The following SHISA2 variants were observed in gnomAD, a reference collection of about 807,000 sequenced individuals.
SHISA2 encodes shisa family member 2.
A neutral mutation model predicts 23.8 loss-of-function variants in SHISA2; 16 were observed. The ratio of observed to expected loss-of-function variants is 0.67; its 90% CI spans 0.46 to 1.02. The LOEUF is 1.02. Ranked by LOEUF, SHISA2 falls within the 50% of genes least tolerant of loss-of-function variation. The pLI is 0.00. For missense variants in SHISA2, 459 were observed against 420.1 expected (o/e 1.09, Z -0.81); for synonymous variants, 201 against 178.6 (o/e 1.13, Z -1.00).
chr13:26,047,842 G>A (rs1957277623), intron 1 of SHISA2, among the ~76,000 whole-genome samples: 1 of 152,202 alleles, frequency 6.6e-6, no homozygotes, highest in Admixed American at 6.5e-5. Flanking sequence ...GTTCCAGAAA[G>A]AAGAGTCACC....
Position 26,046,887 on chromosome 13 carries a change from T to C in SHISA2, c.514A>G (p.Thr172Ala), listed in dbSNP as rs779160533. 1 of 1,609,320 alleles carries C rather than the reference T, an allele frequency of 6.2e-7. No individual in the cohort carries two copies. Reference protein sequence around the residue: ...ETIPMIPSASTSRGSSSRQSS... With the variant: ...ETIPMIPSASASRGSSSRQSS... ...TGGCGTGAGGACGACCCCCGGGAGGTGCTGGCACTGGGGATCATGGGGATG... is the reference window on the plus strand; with the variant it reads ...TGGCGTGAGGACGACCCCCGGGAGGCGCTGGCACTGGGGATCATGGGGATG... Residue 172 changes from threonine (T) to alanine (A), a missense_variant, in exon 2 of 2, where the codon ACC becomes GCC. Physicochemically the swap from Thr to Ala is moderately conservative, Grantham distance 58. Transcript: ENST00000319420.
chr13:26,046,512 G>A lies in SHISA2; in HGVS notation c.*1C>T. 1 of 1,592,044 alleles carries A rather than the reference G, an allele frequency of 6.3e-7. No homozygotes were observed. On this transcript the variant is annotated 3_prime_UTR_variant, in exon 2 of 2. Transcript: ENST00000319420. ...TAAAGGAACCCACCAGTGACTCTCG[G>A]TTATACAGTCACCGCTGGGTACATC...
chr13:26,048,803 G>A (rs1025696247), intron 1 of SHISA2, among the ~76,000 whole-genome samples: 3 of 152,158 alleles, frequency 2.0e-5, no homozygotes, highest in Admixed American at 1.3e-4. Context: ...TACTTTATAG[G>A]TATTTAACCA....
chr13:26,050,673 C>T lies in SHISA2; in HGVS notation c.303G>A (p.Arg101=), dbSNP rs1275560512. The change falls in exon 1 of 2, where the codon CGG becomes CGA. Residue 101 remains arginine (R), a synonymous_variant. Transcript: ENST00000319420. Reference sequence around the variant, plus strand: ...AGCCGTCGGGGCCGTCTTTGTCCGCCCGGCCAGGCTCGCCAGCGCCCTGCT... The same window carrying T: ...AGCCGTCGGGGCCGTCTTTGTCCGCTCGGCCAGGCTCGCCAGCGCCCTGCT... ...DRQQGAGEPG[R]ADKDGPDGSA... The T allele has an allele frequency of 2.1e-6, 3 of 1,452,444 alleles. No individual in the cohort carries two copies. The highest frequency in any genetic ancestry group is 2.6e-5 in the Admixed American group (1 of 38,316). 90.0% of individuals were successfully genotyped at this position (1,452,444 alleles called of 1,614,324 possible).
Position 26,050,927 on chromosome 13 carries a change from A to T in SHISA2, c.49T>A (p.Ser17Thr). The T allele has an allele frequency of 6.6e-7, 1 of 1,520,436 alleles. No individual in the cohort carries two copies. Among genetic ancestry groups the T allele is most frequent in the Non-Finnish European group, 8.8e-7 (1 of 1,141,404 alleles). 94.2% of individuals were successfully genotyped at this position (1,520,436 alleles called of 1,614,324 possible). A position where few individuals can be genotyped will look rare whatever the true frequency, so the allele number is the denominator to read the frequency against. Residue 17 changes from serine to threonine, a missense_variant, in exon 1 of 2, where the codon TCG becomes ACG. Ser to Thr is a moderately conservative substitution (Grantham distance 58). Coordinates refer to ENST00000319420, the MANE Select transcript of SHISA2 (RefSeq NM_001007538.2). ...SSVSSSWNAA[S>T]LLQLLLAALL... ...GCAGCCAGCAGCAGCTGCAGGAGCGAAGCGGCGTTCCAGGATGAGGAGACG... is the reference window on the plus strand; with the variant it reads ...GCAGCCAGCAGCAGCTGCAGGAGCGTAGCGGCGTTCCAGGATGAGGAGACG...
At chr13:26,047,734 AG>A (rs1957277131) in intron 1 of SHISA2, among the ~76,000 whole-genome samples, 1 of 152,174 alleles carries the variant, frequency 6.6e-6, no homozygotes, top group Non-Finnish European at 1.5e-5. Flanking sequence ...CATTGGGTCC[AG>A]GTGATGGGGT....
In SHISA2 at chr13:26,050,959, C is replaced by T. The variant is rs1464787296; in HGVS notation, c.17G>A (p.Arg6His). Residue 6 changes from arginine (R) to histidine (H), a missense_variant, in exon 1 of 2, where the codon CGC becomes CAC. Physicochemically the swap from Arg to His is conservative, Grantham distance 29. Transcript: ENST00000319420. Reference protein sequence around the residue: MWGARRSSVSSSWNAA... With the variant: MWGARHSSVSSSWNAA... ...GTTCCAGGATGAGGAGACGGACGAG[C>T]GGCGAGCGCCCCACATGGCACCACC... 12 of 1,511,966 alleles carry T rather than the reference C, an allele frequency of 7.9e-6. No individual in the cohort carries two copies. Among genetic ancestry groups the T allele is most frequent in the East Asian group, 5.3e-5 (2 of 37,740 alleles). The allele number at this position is 1,511,966 out of a possible 1,614,324, so 93.7% of individuals were successfully genotyped here. A position where few individuals can be genotyped will look rare whatever the true frequency, so the allele number is the denominator to read the frequency against.
At chr13:26,049,606 T>C (rs781441870) in intron 1 of SHISA2, among the ~76,000 whole-genome samples, 2 of 151,998 alleles carry the variant, frequency 1.3e-5, no homozygotes, top group African/African-American at 4.8e-5. Flanking sequence ...AGCAGAACAA[T>C]AGGAGTAGCA....
rs1957306559 is a variant in SHISA2 at position 26,051,809 on chromosome 13, C to T, written c.-834G>A. The stretch of plus-strand genomic sequence containing the variant: ...GCTCGCCCCGGTTCCCCTTCTCCGC[C>T]TCCCCGGCTGCAGCGCGGTCCCACA... On this transcript the variant is annotated 5_prime_UTR_variant, in exon 1 of 2. Coordinates refer to ENST00000319420, the MANE Select transcript of SHISA2 (RefSeq NM_001007538.2). Among the ~76,000 whole-genome samples, 1 of 152,130 alleles carries T rather than the reference C, an allele frequency of 6.6e-6. No individual in the cohort carries two copies. The highest frequency in any genetic ancestry group is 1.9e-4 in the East Asian group (1 of 5,176).
At chr13:26,047,173 C>T (rs962280223) in intron 1 of SHISA2, 107 bp from the exon 2 acceptor site, 10 of 1,174,286 alleles carry the variant, frequency 8.5e-6, no homozygotes, top group Non-Finnish European at 1.2e-5. Flanking sequence ...ATACCCACAG[C>T]TGAAGGACCT....
chr13:26,048,845 C>G (rs1227168236), intron 1 of SHISA2, among the ~76,000 whole-genome samples: 1 of 152,188 alleles, frequency 6.6e-6, no homozygotes, highest in Non-Finnish European at 1.5e-5. Context: ...CCTGGAGTTT[C>G]AATGCTGAAC....
Position 26,047,086 on chromosome 13 carries a change from C to T in SHISA2, c.335-20G>A. ...TGGGCACTGAAGCAAAGGACAGAAACACAACATTATGATCTACTCTAGGAA... is the reference window on the plus strand; with the variant it reads ...TGGGCACTGAAGCAAAGGACAGAAATACAACATTATGATCTACTCTAGGAA... On this transcript the variant is annotated intron_variant, in intron 1 of 1. Coordinates refer to ENST00000319420, the MANE Select transcript of SHISA2 (RefSeq NM_001007538.2). The T allele has an allele frequency of 6.6e-7, 1 of 1,520,520 alleles. No homozygotes were observed. Among genetic ancestry groups the T allele is most frequent in the South Asian group, 1.3e-5 (1 of 76,526 alleles). The allele number at this position is 1,520,520 out of a possible 1,614,324, so 94.2% of individuals were successfully genotyped here.
chr13:26,048,228 A>C (rs890669936), intron 1 of SHISA2, among the ~76,000 whole-genome samples: 1 of 152,158 alleles, frequency 6.6e-6, no homozygotes, highest in African/African-American at 2.4e-5. Context: ...GCTTGAACCC[A>C]GGAGGCAGAA....
chr13:26,048,190 C>G (rs1434317500), intron 1 of SHISA2, among the ~76,000 whole-genome samples: 1 of 152,104 alleles, frequency 6.6e-6, no homozygotes, highest in Non-Finnish European at 1.5e-5. Context: ...ATAATCCCAG[C>G]TACTCTGGAG....
chr13:26,050,612 C>T (rs1447306576), intron 1 of SHISA2, 30 bp downstream of exon 1: 13 of 1,383,532 alleles, frequency 9.4e-6, no homozygotes, highest in Non-Finnish European at 1.1e-5. Flanking sequence ...CAACCGTCCT[C>T]CCTTTCGCGC....
Position 26,046,779 on chromosome 13 carries a change from A to G in SHISA2, c.622T>C (p.Leu208=). 1.2e-6 allele frequency: 2 copies of G among 1,614,222 alleles called. No homozygotes were observed. Among genetic ancestry groups the G allele is most frequent in the Non-Finnish European group, 1.7e-6 (2 of 1,180,038 alleles). Residue 208 remains leucine, a synonymous_variant, in exon 2 of 2, where the codon TTG becomes CTG. Coordinates refer to ENST00000319420, the MANE Select transcript of SHISA2 (RefSeq NM_001007538.2). ...ACGTTGTTCATGGTCCCTTCCGGCA[A>G]GCAACAGTTGGTCTGTGACCTTGTT... ...PPTRSQTNCC[L]PEGTMNNVYV...
rs376374452 is a variant in SHISA2, at chr13:26,046,526, G to A, written c.875C>T (p.Ala292Val). 47 of 1,605,426 alleles carry A rather than the reference G, an allele frequency of 2.9e-5. No individual in the cohort carries two copies. Among genetic ancestry groups the A allele is most frequent in the Admixed American group, 2.8e-4 (17 of 59,660 alleles). ...AGTGACTCTCGGTTATACAGTCACC[G>A]CTGGGTACATCTTCTGTTCACTGTT... ...HTNSEQKMYP[A>V]VTV is the part of the protein sequence containing the mutation. The change falls in exon 2 of 2, where the codon GCG (alanine) becomes GTG (valine). Residue 292 changes from alanine to valine, a missense_variant. By Grantham distance (64) the Ala-to-Val change is moderately conservative. Coordinates refer to ENST00000319420, the MANE Select transcript of SHISA2 (RefSeq NM_001007538.2).
chr13:26,047,887 A>G (rs1957277795), intron 1 of SHISA2, among the ~76,000 whole-genome samples: 1 of 152,252 alleles, frequency 6.6e-6, no homozygotes, highest in African/African-American at 2.4e-5. Flanking sequence ...TACACAGGGA[A>G]AGCCCTCAGA....
chr13:26,051,321 C>G lies in SHISA2; in HGVS notation c.-346G>C, dbSNP rs1957302572. Among the ~76,000 whole-genome samples the G allele has an allele frequency of 6.6e-6, 1 of 152,138 alleles. No homozygotes were observed. Among genetic ancestry groups the G allele is most frequent in the Non-Finnish European group, 1.5e-5 (1 of 68,018 alleles). ...CAACCGGACCCTCCCTGAGCATCCCCGAAGGGATGCTCACTCGAGCCGAAT... is the reference window on the plus strand; with the variant it reads ...CAACCGGACCCTCCCTGAGCATCCCGGAAGGGATGCTCACTCGAGCCGAAT... On this transcript the variant is annotated 5_prime_UTR_variant, in exon 1 of 2. Coordinates refer to ENST00000319420, the MANE Select transcript of SHISA2 (RefSeq NM_001007538.2).
Sources: gnomAD v4.1 joint callset for allele counts (sites outside exome capture counted in the v4.1 genomes callset) on GRCh38, gnomAD v4.1.1 for gene constraint, MANE v1.5 for transcripts, NCBI Gene and HGNC (gene_info 2026-07-23, HGNC 2026-07-21) for gene names.